Variants in ZNF789 observed in about 807,000 individuals in gnomAD.
ZNF789 encodes zinc finger protein 789.
In ZNF789, 11 loss-of-function variants were observed where a neutral mutation model predicts 15.6. The ratio of observed to expected loss-of-function variants is 0.70; its 90% CI spans 0.44 to 1.16. The LOEUF (loss-of-function observed/expected upper bound fraction) is 1.16, where lower values mean the gene tolerates loss of function less well. ZNF789 is among the 50% of genes most tolerant of loss of function. The pLI is 0.00. For synonymous variants in ZNF789, 159 were observed against 176.0 expected, an observed-to-expected ratio of 0.90 and a Z score of 0.76; for missense variants, 461 against 512.6, an observed-to-expected ratio of 0.90 and a Z score of 0.97.
Position 99,479,773 on chromosome 7 carries a change from A to C in ZNF789, c.137A>C (p.Asn46Thr), listed in dbSNP as rs778591502. The C allele has an allele frequency of 1.2e-6, 2 of 1,613,626 alleles. No individual in the cohort carries two copies. The highest frequency in any genetic ancestry group is 8.5e-7 in the Non-Finnish European group (1 of 1,179,782). Residue 46 changes from asparagine (N) to threonine (T), a missense_variant, in exon 3 of 5, where the codon AAC becomes ACC. Transcript: ENST00000331410. ...GATGTGATGTTGGAGAACTACAGGA[A>C]CATGGTCTTGCTGGGTAGGACACGG... Reference protein sequence around the residue: ...YRDVMLENYRNMVLLGFQFPK... With the variant: ...YRDVMLENYRTMVLLGFQFPK...
At position 99,486,627 on chromosome 7, in the gene ZNF789, C is replaced by T. The variant is rs373861180; in HGVS notation, c.417C>T (p.Cys139=). 2.7e-5 allele frequency: 44 copies of T among 1,614,180 alleles called. No individual in the cohort carries two copies. Among genetic ancestry groups the T allele is most frequent in the Middle Eastern group, 1.6e-4 (1 of 6,062 alleles). Reference sequence around the variant, plus strand: ...AGTGTAAAGAATTTGTGGACAGTTGCAGGCTTACTTTCCCTACTAGTGGTG... The same window carrying T: ...AGTGTAAAGAATTTGTGGACAGTTGTAGGCTTACTTTCCCTACTAGTGGTG... ...LHKCKEFVDS[C]RLTFPTSGDE... is the part of the protein sequence containing the mutation. The change falls in exon 5 of 5, where the codon TGC becomes TGT. Residue 139 remains cysteine, a synonymous_variant. Coordinates refer to ENST00000331410, the MANE Select transcript of ZNF789 (RefSeq NM_213603.3).
chr7:99,477,314 T>C (rs1256636449), intron 2 of ZNF789, among the ~76,000 whole-genome samples: 20 of 152,028 alleles, frequency 1.3e-4, no homozygotes, highest in Non-Finnish European at 5.9e-5. Context: ...GTACTGGCAT[T>C]ACAGGCGTGA....
intron 4 of ZNF789, chr7:99,485,485 C>T (rs1799884388): frequency 3.8e-6 from 2 of 530,846 alleles, no homozygotes; most frequent in East Asian, 6.0e-5. Flanking sequence ...CTTTTCTATG[C>T]TATCCTATAC....
At chr7:99,485,216 G>A in intron 4 of ZNF789, 1 of 1,535,958 alleles carries the variant, frequency 6.5e-7, no homozygotes, top group Non-Finnish European at 8.7e-7. Context: ...AGCTGCTCCT[G>A]TTTTTCACAT....
At chr7:99,485,380 A>G (rs780747636) in intron 4 of ZNF789, 15 of 712,472 alleles carry the variant, frequency 2.1e-5, no homozygotes, top group Non-Finnish European at 2.5e-5. Context: ...TGTGACAACC[A>G]GAAATGTCTC....
intron 3 of ZNF789, chr7:99,483,774 T>C (rs1413729606): frequency 1.3e-6 from 1 of 781,112 alleles, no homozygotes; most frequent in African/African-American, 1.7e-5. Context: ...ACCACTGTGC[T>C]GAACGTCTCT....
At chr7:99,480,579 G>A (rs1296901562) in intron 3 of ZNF789, 2 of 152,144 alleles carry the variant, frequency 1.3e-5, no homozygotes, top group African/African-American at 4.8e-5. Flanking sequence ...TTCCTCATCT[G>A]TAAGACCTCC....
At chr7:99,474,401 T>G (rs563155444) in intron 1 of ZNF789, among the ~76,000 whole-genome samples, 1 of 152,132 alleles carries the variant, frequency 6.6e-6, no homozygotes, top group Non-Finnish European at 1.5e-5. Context: ...AAGACCATCC[T>G]GGCTAACACG....
Position 99,472,937 on chromosome 7 carries a change from T to A in ZNF789, c.-174T>A, listed in dbSNP as rs972096211. On this transcript the variant is annotated 5_prime_UTR_variant, in exon 1 of 5. Coordinates refer to ENST00000331410, the MANE Select transcript of ZNF789 (RefSeq NM_213603.3). Reference sequence around the variant, plus strand: ...AGAGTGGTTGTGTCTGTTCCTCCGGTAAGGGGTGATTCGCCGAGGGGCGCG... The same window carrying A: ...AGAGTGGTTGTGTCTGTTCCTCCGGAAAGGGGTGATTCGCCGAGGGGCGCG... The A allele has an allele frequency of 6.6e-6, 1 of 151,908 alleles. No individual in the cohort carries two copies. Among genetic ancestry groups the A allele is most frequent in the African/African-American group, 2.4e-5 (1 of 41,308 alleles). 9.4% of individuals were successfully genotyped at this position (151,908 alleles called of 1,614,324 possible). A position where few individuals can be genotyped will look rare whatever the true frequency, so the allele number is the denominator to read the frequency against.
Position 99,487,314 on chromosome 7 carries a change from C to T in ZNF789, c.1104C>T (p.Phe368=), listed in dbSNP as rs1275697458. The T allele has an allele frequency of 1.9e-6, 3 of 1,614,192 alleles. No homozygotes were observed. The Admixed American group carries it at 5.0e-5, about 27-fold the overall frequency. The change falls in exon 5 of 5, where the codon TTC becomes TTT. Residue 368 remains phenylalanine (F), a synonymous_variant. Transcript: ENST00000331410. The part of the protein sequence containing the change: ...QHQRIHTKEE[F]FQCGECGKTF... ...AAAGAATCCATACAAAGGAGGAATT[C>T]TTTCAATGTGGAGAATGTGGGAAAA...
Position 99,481,941 on chromosome 7 carries a change from G to C in ZNF789, c.152-2089G>C, listed in dbSNP as rs1431113230. On this transcript the variant is annotated intron_variant, in intron 3 of 4. Transcript: ENST00000331410. ...ATTTTGGTTTACTTTTTCCCAGTCC[G>C]TCTATGTGTCTATTACAGGGAAAGA... 9 of 548,416 alleles carry C rather than the reference G, an allele frequency of 1.6e-5. No individual in the cohort carries two copies. In the East Asian group the frequency reaches 2.7e-4, roughly 16 times the overall value. The allele number at this position is 548,416 out of a possible 1,614,324, so 34.0% of individuals were successfully genotyped here.
chr7:99,485,227 C>T (rs1263658765), intron 4 of ZNF789: 2 of 1,535,786 alleles, frequency 1.3e-6, no homozygotes, highest in African/African-American at 2.7e-5. Flanking sequence ...TTTTTCACAT[C>T]CAAGGTTTCT....
chr7:99,478,407 G>T (rs1258270953), intron 2 of ZNF789: 5 of 1,272,632 alleles, frequency 3.9e-6, no homozygotes, highest in Non-Finnish European at 5.1e-6. Flanking sequence ...TGATAGGCAG[G>T]AAAGAAAGTC....
At chr7:99,476,312 T>G in intron 1 of ZNF789, 91 bp from the exon 2 acceptor site, 1 of 769,858 alleles carries the variant, frequency 1.3e-6, no homozygotes, top group Non-Finnish European at 2.0e-6. Context: ...AAGCTTTGTC[T>G]GTGTGCCCCG....
At chr7:99,477,691 A>C (rs1176219519) in intron 2 of ZNF789, among the ~76,000 whole-genome samples, 3 of 151,596 alleles carry the variant, frequency 2.0e-5, no homozygotes, top group Non-Finnish European at 4.4e-5. Flanking sequence ...CATGCCTGGA[A>C]TCCCAGCACT....
chr7:99,486,097 C>T (rs1799928819), intron 4 of ZNF789, among the ~76,000 whole-genome samples: 1 of 152,174 alleles, frequency 6.6e-6, no homozygotes, highest in Non-Finnish European at 1.5e-5. Flanking sequence ...GTGGGTGGAT[C>T]ACCTGAGGTC....
chr7:99,473,916 G>T (rs1432068082), intron 1 of ZNF789, among the ~76,000 whole-genome samples: 1 of 152,130 alleles, frequency 6.6e-6, no homozygotes, highest in South Asian at 2.1e-4. Flanking sequence ...CACCACGCCC[G>T]GCCTGTTGTT....
At chr7:99,481,873 T>C (rs1799648492) in intron 3 of ZNF789, 1 of 381,586 alleles carries the variant, frequency 2.6e-6, no homozygotes, top group Non-Finnish European at 4.8e-6. Flanking sequence ...ATAATAAAAA[T>C]CACCTGCAGG....
rs1554377128 is a variant in ZNF789 at position 99,486,544 on chromosome 7, T to C, written c.334T>C (p.Tyr112His). The change falls in exon 5 of 5, where the codon TAT becomes CAT. Residue 112 changes from tyrosine (Y) to histidine (H), a missense_variant. Transcript: ENST00000331410. Reference sequence around the variant, plus strand: ...GAAATTTTCTGAAGATTTAGAGTCATATAAGATATCAGTGGTAATGCAGGA... The same window carrying C: ...GAAATTTTCTGAAGATTTAGAGTCACATAAGATATCAGTGGTAATGCAGGA... ...KQKFSEDLES[Y>H]KISVVMQESA... 3.1e-6 allele frequency: 5 copies of C among 1,614,176 alleles called. No homozygotes were observed. The South Asian group carries it at 3.3e-5, about 11-fold the overall frequency.
Sources: gnomAD v4.1 joint callset for allele counts (sites outside exome capture counted in the v4.1 genomes callset) on GRCh38, gnomAD v4.1.1 for gene constraint, MANE v1.5 for transcripts, NCBI Gene and HGNC (gene_info 2026-07-23, HGNC 2026-07-21) for gene names.